The following NOVA1 variants were observed in gnomAD, a reference collection of about 807,000 sequenced individuals.
NOVA1 encodes the protein RNA-binding protein Nova-1.
A neutral mutation model predicts 38.0 loss-of-function variants in NOVA1; 7 were observed. The observed-to-expected ratio is 0.18, with a 90% confidence interval of 0.10 to 0.35. The LOEUF (loss-of-function observed/expected upper bound fraction) is 0.35. NOVA1 is among the 10% of genes least tolerant of loss of function. The pLI is 1.00. For missense variants in NOVA1, 460 were observed against 616.0 expected (o/e 0.75, Z 2.68); for synonymous variants, 270 against 232.5 (o/e 1.16, Z -1.47).
At chr14:26,462,078 T>C (rs1018382718) in intron 4 of NOVA1, among the ~76,000 whole-genome samples, 1 of 152,188 alleles carries the variant, frequency 6.6e-6, no homozygotes, top group Non-Finnish European at 1.5e-5. Flanking sequence ...AAAAAGATTT[T>C]TTTTTTGTAA....
At chr14:26,455,226 GCTCA>G (rs1566434320) in intron 4 of NOVA1, among the ~76,000 whole-genome samples, 1 of 151,960 alleles carries the variant, frequency 6.6e-6, no homozygotes, top group Non-Finnish European at 1.5e-5. Context: ...TTCACCCATT[GCTCA>G]CTCAGATTTT....
intron 2 of NOVA1, among the ~76,000 whole-genome samples, chr14:26,524,971 C>T (rs558846767): frequency 5.7e-4 from 86 of 152,120 alleles, no homozygotes; most frequent in Non-Finnish European, 1.2e-4. Context: ...GCAACTAGTT[C>T]CATGTGTATT....
chr14:26,489,095 G>A (rs1886135322), intron 2 of NOVA1, among the ~76,000 whole-genome samples: 1 of 151,976 alleles, frequency 6.6e-6, no homozygotes, highest in Non-Finnish European at 1.5e-5. Context: ...GATTGCTTAC[G>A]AGATGAGAGC....
intron 2 of NOVA1, chr14:26,549,770 A>T (rs1294404460): frequency 7.8e-7 from 1 of 1,288,466 alleles, no homozygotes; most frequent in Non-Finnish European, 1.0e-6. Context: ...TTTCTTCTGC[A>T]GCTGTCAGCA....
At chr14:26,506,658 C>G (rs1399831674) in intron 2 of NOVA1, among the ~76,000 whole-genome samples, 1 of 152,094 alleles carries the variant, frequency 6.6e-6, no homozygotes, top group Non-Finnish European at 1.5e-5. Flanking sequence ...CGGCTCACTG[C>G]AACCTCTGCC....
At chr14:26,564,441 C>G (rs559745057) in intron 2 of NOVA1, among the ~76,000 whole-genome samples, 8 of 152,056 alleles carry the variant, frequency 5.3e-5, no homozygotes, top group Non-Finnish European at 1.0e-4. Flanking sequence ...TGCTGGAGTT[C>G]ATGTGGATAC....
intron 2 of NOVA1, among the ~76,000 whole-genome samples, chr14:26,500,461 A>G (rs1374423298): frequency 6.6e-6 from 1 of 152,008 alleles, no homozygotes; most frequent in African/African-American, 2.4e-5. Flanking sequence ...TGTAAAGGTC[A>G]CTTTAAAACA....
Position 26,448,619 on chromosome 14 carries a change from T to A in NOVA1, c.864A>T (p.Leu288=), listed in dbSNP as rs372374522. The change falls in exon 5 of 5, where the codon CTA becomes CTT. Residue 288 remains leucine (L), a synonymous_variant. Coordinates refer to ENST00000539517, the MANE Select transcript of NOVA1 (RefSeq NM_002515.3). The surrounding 1 kb of genome is among the most constrained non-coding windows in gnomAD (Gnocchi z 5.3). The stretch of plus-strand genomic sequence containing the variant: ...CGCCAGCAAGGTTAGCATGTCCTAA[T>A]AGCCCTGCAGCTGCTGCAGCAGTTG... The part of the protein sequence containing the change: ...VLPTAAAAAG[L]LGHANLAGVA... The A allele has an allele frequency of 6.2e-7, 1 of 1,614,118 alleles. No homozygotes were observed. The highest frequency in any genetic ancestry group is 1.3e-5 in the African/African-American group (1 of 74,936).
intron 2 of NOVA1, chr14:26,594,261 T>C (rs1894043606): frequency 6.6e-6 from 1 of 151,998 alleles, no homozygotes; most frequent in Non-Finnish European, 1.5e-5. Context: ...AATGATAGTT[T>C]CAACCATTCT....
intron 4 of NOVA1, among the ~76,000 whole-genome samples, chr14:26,455,193 C>G (rs149827315): frequency 1.3e-5 from 2 of 152,106 alleles, no homozygotes; most frequent in Admixed American, 1.3e-4. Context: ...TACCATGCCA[C>G]CTTGTCTCAT....
At chr14:26,560,777 T>C (rs1891772491) in intron 2 of NOVA1, among the ~76,000 whole-genome samples, 2 of 152,202 alleles carry the variant, frequency 1.3e-5, no homozygotes, top group South Asian at 4.1e-4. Flanking sequence ...GTGCCATCTT[T>C]TCCTCATATA....
intron 4 of NOVA1, among the ~76,000 whole-genome samples, chr14:26,463,742 C>T (rs1399637857): frequency 3.3e-5 from 5 of 152,072 alleles, no homozygotes; most frequent in Non-Finnish European, 5.9e-5. Flanking sequence ...ATTTCGTACA[C>T]CATAATTTCA....
intron 2 of NOVA1, among the ~76,000 whole-genome samples, chr14:26,577,941 T>C (rs573092850): frequency 6.6e-6 from 1 of 151,454 alleles, no homozygotes; most frequent in African/African-American, 2.4e-5. Context: ...TCCATGATAC[T>C]GGATTGGATC....
At chr14:26,484,942 A>C (rs1446740820) in intron 2 of NOVA1, among the ~76,000 whole-genome samples, 1 of 152,174 alleles carries the variant, frequency 6.6e-6, no homozygotes, top group African/African-American at 2.4e-5. Flanking sequence ...GCAATGACCA[A>C]ACAGGAAAAA....
chr14:26,447,498 C>G lies in NOVA1; in HGVS notation c.*461G>C, dbSNP rs1882170450. Reference sequence around the variant, plus strand: ...AAACTTATTTTCAAAATATTGTTTCCTACTTCACTGTGCCCTAAGCAGGAA... The same window carrying G: ...AAACTTATTTTCAAAATATTGTTTCGTACTTCACTGTGCCCTAAGCAGGAA... On this transcript the variant is annotated 3_prime_UTR_variant, in exon 5 of 5. Coordinates refer to ENST00000539517, the MANE Select transcript of NOVA1 (RefSeq NM_002515.3). 6.4e-6 allele frequency: 1 copy of G among 157,100 alleles called. No homozygotes were observed. Among genetic ancestry groups the G allele is most frequent in the South Asian group, 2.0e-4 (1 of 5,120 alleles). The allele number at this position is 157,100 out of a possible 1,614,324, so 9.7% of individuals were successfully genotyped here. A position where few individuals can be genotyped will look rare whatever the true frequency, so the allele number is the denominator to read the frequency against.
At chr14:26,509,525 A>G (rs2138445010) in intron 2 of NOVA1, among the ~76,000 whole-genome samples, 1 of 152,342 alleles carries the variant, frequency 6.6e-6, no homozygotes, top group East Asian at 1.9e-4. Flanking sequence ...TGCGATTGAC[A>G]GAGCAAGACA....
chr14:26,501,445 A>G (rs908084528), intron 2 of NOVA1, among the ~76,000 whole-genome samples: 5 of 152,018 alleles, frequency 3.3e-5, no homozygotes, highest in African/African-American at 1.2e-4. Context: ...CAAAATTAAT[A>G]GCTGGTATAC....
chr14:26,595,310 C>T, intron 2 of NOVA1, 100 bp downstream of exon 2: 1 of 1,155,052 alleles, frequency 8.7e-7, no homozygotes, highest in Non-Finnish European at 1.2e-6. Context: ...ATAAAGTCTC[C>T]AGTATTGTTT....
At chr14:26,464,147 C>T (rs1401493917) in intron 4 of NOVA1, among the ~76,000 whole-genome samples, 2 of 152,116 alleles carry the variant, frequency 1.3e-5, no homozygotes, top group African/African-American at 4.8e-5. Flanking sequence ...TTTTCTTTAT[C>T]ATACATTAAG....
Sources: gnomAD v4.1 joint callset for allele counts (sites outside exome capture counted in the v4.1 genomes callset) on GRCh38, gnomAD v4.1.1 for gene constraint, Gnocchi (gnomAD v3.1) non-coding constraint, MANE v1.5 for transcripts, NCBI Gene and HGNC (gene_info 2026-07-23, HGNC 2026-07-21) for gene names.